The following GRM7 variants were observed in gnomAD, a reference collection of about 807,000 sequenced individuals.
GRM7 encodes the protein metabotropic glutamate receptor 7.
A neutral mutation model predicts 84.5 loss-of-function variants in GRM7; 35 were observed. The ratio of observed to expected loss-of-function variants is 0.41; its 90% CI spans 0.32 to 0.55. The LOEUF is 0.55. Among genes scored for constraint, GRM7 ranks in the 20% least tolerant of loss-of-function variants. The pLI is 0.19. For missense variants in GRM7, 1,003 were observed against 1,194.6 expected (o/e 0.84, Z 2.36); for synonymous variants, 487 against 455.1 (o/e 1.07, Z -0.89).
In GRM7 at chr3:6,891,381, T is replaced by C. The variant is rs1376419790; in HGVS notation, c.519+29474T>C. Among the ~76,000 whole-genome samples the C allele has an allele frequency of 2.0e-5, 3 of 152,230 alleles. No individual in the cohort carries two copies. In the East Asian group the frequency reaches 5.8e-4, roughly 29 times the overall value. ...TGCAGTGGCTGGTACCGGTTGTTGCTTTCCGCGTTTAGTGCTTCCTTCAGG... is the reference window on the plus strand; with the variant it reads ...TGCAGTGGCTGGTACCGGTTGTTGCCTTCCGCGTTTAGTGCTTCCTTCAGG... On this transcript the variant is annotated intron_variant, in intron 1 of 9. Coordinates refer to ENST00000357716, the MANE Select transcript of GRM7 (RefSeq NM_000844.4).
At chr3:7,183,821 C>T (rs1446126246) in intron 2 of GRM7, among the ~76,000 whole-genome samples, 1 of 152,026 alleles carries the variant, frequency 6.6e-6, no homozygotes, top group Non-Finnish European at 1.5e-5. Context: ...TGCACACACA[C>T]ACAGTATTGT....
chr3:7,561,067 C>T (rs1694004208), intron 7 of GRM7, among the ~76,000 whole-genome samples: 2 of 152,046 alleles, frequency 1.3e-5, no homozygotes, highest in Admixed American at 1.3e-4. Context: ...TTTCTTCCTC[C>T]CTTGCTTGCA....
chr3:7,209,169 C>T (rs1015184006), intron 2 of GRM7, among the ~76,000 whole-genome samples: 2 of 152,110 alleles, frequency 1.3e-5, no homozygotes, highest in African/African-American at 2.4e-5. Flanking sequence ...TTATTGAATG[C>T]TGTACTGAAA....
chr3:6,914,656 CT>C (rs1696882870), intron 1 of GRM7, among the ~76,000 whole-genome samples: 1 of 152,148 alleles, frequency 6.6e-6, no homozygotes, highest in Non-Finnish European at 1.5e-5. Context: ...CTGCCTCGGC[CT>C]CCCAAAGTAC....
intron 3 of GRM7, among the ~76,000 whole-genome samples, chr3:7,305,007 A>C (rs147020271): frequency 6.6e-6 from 1 of 152,158 alleles, no homozygotes; most frequent in South Asian, 2.1e-4. Flanking sequence ...CAGATTGGCC[A>C]TTCCATCAGA....
intron 4 of GRM7, among the ~76,000 whole-genome samples, chr3:7,381,824 T>C (rs1352089316): frequency 6.6e-6 from 1 of 152,174 alleles, no homozygotes; most frequent in Non-Finnish European, 1.5e-5. Context: ...AAAGTGATAA[T>C]AATGGGAGAA....
intron 2 of GRM7, among the ~76,000 whole-genome samples, chr3:7,267,323 G>T (rs1178308472): frequency 2.0e-5 from 3 of 152,178 alleles, no homozygotes; most frequent in African/African-American, 7.2e-5. Flanking sequence ...TAACAAAAAG[G>T]CTAATAAGAA....
chr3:7,439,077 A>G (rs1012843027), intron 5 of GRM7, among the ~76,000 whole-genome samples: 11 of 152,122 alleles, frequency 7.2e-5, no homozygotes, highest in African/African-American at 2.7e-4. Context: ...CCCAGGAAGG[A>G]GTGAGTGTGA....
Position 7,131,365 on chromosome 3 carries a change from C to G in GRM7, c.520-15087C>G, listed in dbSNP as rs745403135. ...TGCCGGTATCCTCATGGAAGGGCCC[C>G]TTAGATATTCTGTTAGAGGTATTTG... On this transcript the variant is annotated intron_variant, in intron 1 of 9. Transcript: ENST00000357716. 2.2e-3 allele frequency among the ~76,000 whole-genome samples: 331 copies of G among 152,228 alleles called. 1 individual carries two copies. The highest frequency in any genetic ancestry group is 3.1e-3 in the Non-Finnish European group (210 of 68,022).
At chr3:7,577,855 G>C (rs141194139) in intron 7 of GRM7, among the ~76,000 whole-genome samples, 136 of 152,324 alleles carry the variant, frequency 8.9e-4, no homozygotes, top group Middle Eastern at 3.4e-3. Context: ...GAAAATGACA[G>C]TAATGCTTAG....
At chr3:7,552,326 G>C (rs187252429) in intron 7 of GRM7, among the ~76,000 whole-genome samples, 1 of 152,294 alleles carries the variant, frequency 6.6e-6, no homozygotes, top group Non-Finnish European at 1.5e-5. Context: ...CTGGTGTTGA[G>C]TGTCTGTGGC....
At chr3:7,361,928 G>T (rs1006912026) in intron 4 of GRM7, among the ~76,000 whole-genome samples, 1 of 152,092 alleles carries the variant, frequency 6.6e-6, no homozygotes, top group African/African-American at 2.4e-5. Context: ...GGGAACCATA[G>T]AACTGGAGGC....
intron 9 of GRM7, among the ~76,000 whole-genome samples, chr3:7,739,926 A>C (rs1327880351): frequency 6.6e-6 from 1 of 152,168 alleles, no homozygotes; most frequent in African/African-American, 2.4e-5. Context: ...ACTCTGACCT[A>C]ATCTGCATTC....
chr3:6,873,784 C>T (rs1214865936), intron 1 of GRM7, among the ~76,000 whole-genome samples: 1 of 152,156 alleles, frequency 6.6e-6, no homozygotes, highest in Non-Finnish European at 1.5e-5. Flanking sequence ...GGTATCTGAC[C>T]CCTAGTCATC....
chr3:7,201,193 T>C (rs1218879687), intron 2 of GRM7, among the ~76,000 whole-genome samples: 2 of 151,906 alleles, frequency 1.3e-5, no homozygotes, highest in Non-Finnish European at 2.9e-5. Flanking sequence ...ATGGTCTCGA[T>C]CTTCTGACCT....
At chr3:7,512,532 A>G (rs1700244045) in intron 7 of GRM7, among the ~76,000 whole-genome samples, 1 of 151,582 alleles carries the variant, frequency 6.6e-6, no homozygotes, top group South Asian at 2.1e-4. Context: ...TACTTTAGAA[A>G]TCTTTTTGGA....
At position 7,010,606 on chromosome 3, in the gene GRM7, G is replaced by A. The variant is rs144656515; in HGVS notation, c.520-135846G>A. 4.9e-4 allele frequency among the ~76,000 whole-genome samples: 74 copies of A among 152,282 alleles called. 1 individual carries two copies. Among genetic ancestry groups the A allele is most frequent in the African/African-American group, 1.7e-3 (72 of 41,552 alleles). On this transcript the variant is annotated intron_variant, in intron 1 of 9. Transcript: ENST00000357716. ...TGAGGGTGATAAGACATTGAAGATG[G>A]GAGATCAAGGCTAAACTGATTTAGC... is the stretch of plus-strand genomic sequence containing the variant.
chr3:7,341,583 C>G (rs2125079952), intron 4 of GRM7, among the ~76,000 whole-genome samples: 1 of 152,152 alleles, frequency 6.6e-6, no homozygotes, highest in Non-Finnish European at 1.5e-5. Context: ...ACTTTGTAAG[C>G]AGTGCACTCT....
At chr3:6,948,642 A>T (rs956321827) in intron 1 of GRM7, among the ~76,000 whole-genome samples, 7 of 152,116 alleles carry the variant, frequency 4.6e-5, no homozygotes, top group African/African-American at 1.7e-4. Context: ...CCTGTCTAAT[A>T]TTGACAGTGC....
Sources: gnomAD v4.1 joint callset for allele counts (sites outside exome capture counted in the v4.1 genomes callset) on GRCh38, gnomAD v4.1.1 for gene constraint, MANE v1.5 for transcripts, NCBI Gene and HGNC (gene_info 2026-07-23, HGNC 2026-07-21) for gene names.